CAMK2D: variants seen among roughly 807,000 people sequenced by gnomAD.
CAMK2D encodes calcium/calmodulin dependent protein kinase II delta.
Under a neutral mutation model 84.0 loss-of-function variants are expected in CAMK2D, and 37 were observed. The ratio of observed to expected loss-of-function variants is 0.44; its 90% confidence interval spans 0.34 to 0.58. CAMK2D has a LOEUF of 0.58. Among genes scored for constraint, CAMK2D ranks in the 20% least tolerant of loss-of-function variants. The pLI, the probability that CAMK2D is intolerant of heterozygous loss-of-function variation, is 0.02. For missense variants in CAMK2D, 448 were observed against 652.5 expected (o/e 0.69, Z 3.41); for synonymous variants, 202 against 212.5 (o/e 0.95, Z 0.43).
At chr4:113,512,372 T>A (rs1488904300) in intron 12 of CAMK2D, among the ~76,000 whole-genome samples, 1 of 152,240 alleles carries the variant, frequency 6.6e-6, no homozygotes, top group Non-Finnish European at 1.5e-5. Flanking sequence ...TTTAAGCCTA[T>A]TATTTAACAA....
At chr4:113,575,952 T>G (rs1032595447) in intron 4 of CAMK2D, among the ~76,000 whole-genome samples, 5 of 152,166 alleles carry the variant, frequency 3.3e-5, no homozygotes, top group Non-Finnish European at 7.4e-5. Context: ...TTGCTATTTT[T>G]TAAAAGAGAA....
intron 2 of CAMK2D, among the ~76,000 whole-genome samples, chr4:113,697,634 A>G (rs1413977394): frequency 6.6e-6 from 1 of 152,102 alleles, no homozygotes; most frequent in Non-Finnish European, 1.5e-5. Flanking sequence ...ATAATCTTGG[A>G]AAATATGAGA....
rs759847662 is a variant in CAMK2D, at chr4:113,502,916, T to A, written c.1086+20A>T. 2 of 1,553,082 alleles carry A rather than the reference T, an allele frequency of 1.3e-6. No individual in the cohort carries two copies. Among genetic ancestry groups the A allele is most frequent in the Admixed American group, 3.3e-5 (2 of 59,918 alleles). ...GTATAGTCTTGTTAAAGCAAGATGATGTTGATTCTTTCTGAATACCTTGTT... is the reference window on the plus strand; with the variant it reads ...GTATAGTCTTGTTAAAGCAAGATGAAGTTGATTCTTTCTGAATACCTTGTT... On this transcript the variant is annotated intron_variant, in intron 15 of 20. Coordinates refer to ENST00000511664, the MANE Select transcript of CAMK2D (RefSeq NM_001321571.2).
At chr4:113,560,528 T>C (rs1272451963) in intron 4 of CAMK2D, among the ~76,000 whole-genome samples, 5 of 152,164 alleles carry the variant, frequency 3.3e-5, no homozygotes, top group Admixed American at 1.3e-4. Flanking sequence ...AATCCTAGAC[T>C]CAGGAATTGT....
intron 4 of CAMK2D, among the ~76,000 whole-genome samples, chr4:113,587,188 A>G (rs1375354851): frequency 6.6e-6 from 1 of 152,200 alleles, no homozygotes; most frequent in Non-Finnish European, 1.5e-5. Flanking sequence ...AAGAATTAGA[A>G]TAATACTATA....
Position 113,661,722 on chromosome 4 carries a change from G to C in CAMK2D, c.211C>G (p.Pro71Ala). The stretch of plus-strand genomic sequence containing the variant: ...AAAAATACGTTCTCACCAATATTAG[G>C]GTGCTTCAAAAGACGGCAGATTCTA... The part of the protein sequence containing the change: ...EARICRLLKH[P>A]NIVRLHDSIS... The change falls in exon 3 of 21, where the codon CCT becomes GCT. Residue 71 changes from proline to alanine, a missense_variant. By Grantham distance (27) the Pro-to-Ala change is conservative. Transcript: ENST00000511664. 6.9e-7 allele frequency: 1 copy of C among 1,451,852 alleles called. No individual in the cohort carries two copies. Among genetic ancestry groups the C allele is most frequent in the Non-Finnish European group, 9.4e-7 (1 of 1,066,414 alleles). 89.9% of individuals were successfully genotyped at this position (1,451,852 alleles called of 1,614,324 possible). A position where few individuals can be genotyped will look rare whatever the true frequency, so the allele number is the denominator to read the frequency against.
At position 113,547,701 on chromosome 4, in the gene CAMK2D, C is replaced by G; in HGVS notation, c.357G>C (p.Gln119His). 1.3e-6 allele frequency: 2 copies of G among 1,558,646 alleles called. No individual in the cohort carries two copies. The highest frequency in any genetic ancestry group is 2.3e-5 in the South Asian group (2 of 85,212). Residue 119 changes from glutamine (Q) to histidine (H), a missense_variant, in exon 6 of 21, where the codon CAG becomes CAC. By Grantham distance (24) the Gln-to-His change is conservative (BLOSUM62 0). This residue lies in a region of CAMK2D where 60 missense variants were observed against 70.0 expected (regional missense o/e 0.86). Coordinates refer to ENST00000511664, the MANE Select transcript of CAMK2D (RefSeq NM_001321571.2). Reference sequence around the variant, plus strand: ...GGCAGTGTAGCACAGCCTCCAGGATCTGCTGAATGCAATGACTGCATGCAA... The same window carrying G: ...GGCAGTGTAGCACAGCCTCCAGGATGTGCTGAATGCAATGACTGCATGCAA... The part of the protein sequence containing the change: ...SEADASHCIQ[Q>H]ILEAVLHCHQ...
At chr4:113,650,624 A>C (rs2099168963) in intron 3 of CAMK2D, among the ~76,000 whole-genome samples, 1 of 152,180 alleles carries the variant, frequency 6.6e-6, no homozygotes, top group Non-Finnish European at 1.5e-5. Flanking sequence ...ACATTTCCAG[A>C]TCTAATCAAA....
intron 2 of CAMK2D, among the ~76,000 whole-genome samples, chr4:113,724,583 T>A (rs1217742609): frequency 6.6e-6 from 1 of 151,864 alleles, no homozygotes; most frequent in Non-Finnish European, 1.5e-5. Context: ...AAAAAAAGCC[T>A]CCCAATCTCT....
intron 20 of CAMK2D, 88 bp downstream of exon 20, chr4:113,455,638 A>C (rs1589605157): frequency 1.4e-6 from 1 of 725,702 alleles, no homozygotes; most frequent in East Asian, 2.5e-5. Context: ...TTATGCAATA[A>C]AAAATATCCT....
At chr4:113,717,544 G>A (rs1437552544) in intron 2 of CAMK2D, among the ~76,000 whole-genome samples, 1 of 151,886 alleles carries the variant, frequency 6.6e-6, no homozygotes, top group African/African-American at 2.4e-5. Flanking sequence ...ATAAGCAAAG[G>A]AAAAATAAAA....
intron 6 of CAMK2D, among the ~76,000 whole-genome samples, chr4:113,542,941 G>A (rs1389893845): frequency 2.6e-5 from 4 of 151,986 alleles, no homozygotes; most frequent in Non-Finnish European, 5.9e-5. Flanking sequence ...TTCTGAATAG[G>A]GGCTAATAGT....
intron 19 of CAMK2D, chr4:113,456,888 G>C: frequency 6.2e-6 from 1 of 161,004 alleles, no homozygotes; most frequent in South Asian, 1.8e-4. Context: ...CCTGACAATG[G>C]CCTTTTAAAT....
At chr4:113,599,357 C>G (rs1031022320) in intron 4 of CAMK2D, among the ~76,000 whole-genome samples, 3 of 152,162 alleles carry the variant, frequency 2.0e-5, no homozygotes, top group Non-Finnish European at 1.5e-5. Flanking sequence ...GAGTTGAAAA[C>G]TTATGTCCAT....
chr4:113,465,405 A>T, intron 17 of CAMK2D, 124 bp downstream of exon 17: 1 of 633,550 alleles, frequency 1.6e-6, no homozygotes, highest in South Asian at 2.0e-5. Flanking sequence ...TATGAAATAA[A>T]ACTATTGTTA....
intron 16 of CAMK2D, among the ~76,000 whole-genome samples, chr4:113,489,591 G>A (rs956303546): frequency 8.1e-5 from 12 of 147,930 alleles, no homozygotes; most frequent in East Asian, 4.0e-4. Flanking sequence ...GAATAATGCC[G>A]CAATAAACAT....
At chr4:113,482,127 T>C (rs561446479) in intron 16 of CAMK2D, among the ~76,000 whole-genome samples, 2 of 152,292 alleles carry the variant, frequency 1.3e-5, no homozygotes, top group African/African-American at 4.8e-5. Context: ...TCTAATGTAT[T>C]TTTGAAAGTG....
intron 7 of CAMK2D, among the ~76,000 whole-genome samples, chr4:113,535,526 A>G (rs1417750098): frequency 1.3e-5 from 2 of 152,212 alleles, no homozygotes; most frequent in South Asian, 4.1e-4. Context: ...ACCAGATCCC[A>G]AAATCTCTAA....
intron 17 of CAMK2D, among the ~76,000 whole-genome samples, chr4:113,463,992 A>G (rs2154110203): frequency 6.6e-6 from 1 of 152,352 alleles, no homozygotes; most frequent in Non-Finnish European, 1.5e-5. Context: ...ACTTTATAAA[A>G]GCTTTCAGGT....
Sources: allele counts gnomAD v4.1 joint callset (sites outside exome capture counted in the v4.1 genomes callset), GRCh38; gene constraint gnomAD v4.1.1; regional missense constraint gnomAD v4.1.1; transcripts MANE v1.5; gene names NCBI Gene and HGNC (gene_info 2026-07-23, HGNC 2026-07-21).